VPS13C: variants seen among roughly 807,000 people sequenced by gnomAD.
VPS13C encodes intermembrane lipid transfer protein VPS13C.
In VPS13C, 358 loss-of-function variants were observed where a neutral mutation model predicts 456.8. The observed-to-expected ratio is 0.78, with a 90% confidence interval of 0.72 to 0.86. The LOEUF is 0.86. Ranked by LOEUF, VPS13C falls within the 40% of genes least tolerant of loss-of-function variation. The pLI, the probability that VPS13C is intolerant of heterozygous loss-of-function variation, is 0.00. For synonymous variants in VPS13C, 1,578 were observed against 1,486.7 expected (o/e 1.06, Z -1.41); for missense variants, 4,818 against 4,385.4 (o/e 1.10, Z -2.79).
chr15:62,006,308 T>C (rs376916065), intron 15 of VPS13C, among the ~76,000 whole-genome samples: 1 of 152,016 alleles, frequency 6.6e-6, no homozygotes, highest in South Asian at 2.1e-4. Flanking sequence ...CCTGTGTCCA[T>C]GTGTTCTCAT....
intron 66 of VPS13C, among the ~76,000 whole-genome samples, chr15:61,893,344 G>A (rs2042709173): frequency 6.6e-6 from 1 of 152,212 alleles, no homozygotes; most frequent in Non-Finnish European, 1.5e-5. Flanking sequence ...AGTGTTGAAG[G>A]GGAAGAAAAA....
At chr15:62,046,093 T>G (rs1023513863) in intron 1 of VPS13C, among the ~76,000 whole-genome samples, 20 of 152,104 alleles carry the variant, frequency 1.3e-4, no homozygotes, top group African/African-American at 4.8e-4. Context: ...TAAAATAAAT[T>G]GTCGAAAACT....
intron 67 of VPS13C, among the ~76,000 whole-genome samples, chr15:61,887,787 T>C (rs539083071): frequency 1.0e-3 from 154 of 152,184 alleles, no homozygotes; most frequent in African/African-American, 3.6e-3. Flanking sequence ...AAAGCTAACT[T>C]TCGGTATAGT....
intron 67 of VPS13C, among the ~76,000 whole-genome samples, chr15:61,884,994 A>T (rs1193723055): frequency 1.3e-5 from 2 of 152,110 alleles, no homozygotes; most frequent in Non-Finnish European, 2.9e-5. Context: ...AAGCTCCTCA[A>T]TTGCACAAAT....
chr15:61,970,202 A>G (rs2140346033), intron 27 of VPS13C, among the ~76,000 whole-genome samples: 1 of 152,284 alleles, frequency 6.6e-6, no homozygotes, highest in South Asian at 2.1e-4. Flanking sequence ...GCCAATAGCC[A>G]GTATCAATTG....
intron 62 of VPS13C, among the ~76,000 whole-genome samples, 188 bp downstream of exon 62, chr15:61,913,123 C>T (rs993463914): frequency 6.6e-6 from 1 of 151,114 alleles, no homozygotes; most frequent in African/African-American, 2.4e-5. Flanking sequence ...GTCAGTGTGG[C>T]GATTCCTCAG....
At chr15:61,855,170 T>C (rs752097362) in intron 83 of VPS13C, among the ~76,000 whole-genome samples, 4 of 152,188 alleles carry the variant, frequency 2.6e-5, no homozygotes, top group Non-Finnish European at 5.9e-5. Context: ...TGAGCATACA[T>C]CTATCTGTAT....
chr15:62,014,116 T>C (rs1245676055), intron 9 of VPS13C, 124 bp from the exon 10 acceptor site: 1 of 546,778 alleles, frequency 1.8e-6, no homozygotes, highest in African/African-American at 1.9e-5. Context: ...TAACTAGTAT[T>C]AGCTATCTAT....
chr15:62,025,749 A>C (rs1031009468), intron 6 of VPS13C, among the ~76,000 whole-genome samples: 1 of 152,096 alleles, frequency 6.6e-6, no homozygotes, highest in Non-Finnish European at 1.5e-5. Flanking sequence ...ATGATTCTCA[A>C]TCACAAACTA....
intron 22 of VPS13C, among the ~76,000 whole-genome samples, chr15:61,980,183 CAAAAAAAAAAAAAAAAA>C (rs71125960): frequency 2.0e-4 from 9 of 45,264 alleles, no homozygotes; most frequent in East Asian, 1.6e-3. Context: ...GACCCCATCT[CAAAAAAAAAAAAAAAAA>C]AAAAAAAAAA....
chr15:61,879,109 C>A (rs1184263352), intron 73 of VPS13C, among the ~76,000 whole-genome samples: 2 of 151,976 alleles, frequency 1.3e-5, no homozygotes, highest in East Asian at 1.9e-4. Context: ...CAGATAATAA[C>A]AATAACATGA....
At chr15:62,048,350 G>T (rs939721278) in intron 1 of VPS13C, among the ~76,000 whole-genome samples, 1 of 144,014 alleles carries the variant, frequency 6.9e-6, no homozygotes, top group Non-Finnish European at 1.5e-5. Context: ...GAGAACATGT[G>T]GTGTTTGGTT....
Position 61,873,392 on chromosome 15 carries a change from C to T in VPS13C, c.10432G>A (p.Val3478Ile). Residue 3478 changes from valine to isoleucine, a missense_variant, in exon 78 of 85, where the codon GTA (valine) becomes ATA (isoleucine). Coordinates refer to ENST00000644861, the MANE Select transcript of VPS13C (RefSeq NM_020821.3). ...CCAACAGAACCGGTGATTCGAGATA[C>T]AACTCCTGCTGCACCACCTATCAAA... The part of the protein sequence containing the change: ...GHTVGGAAGV[V>I]SRITGSVGKG... The T allele has an allele frequency of 6.2e-7, 1 of 1,613,524 alleles. No individual in the cohort carries two copies. The highest frequency in any genetic ancestry group is 8.5e-7 in the Non-Finnish European group (1 of 1,179,680).
In VPS13C at chr15:61,864,411, A is replaced by T. The variant is rs1476458000; in HGVS notation, c.10864-883T>A. The stretch of plus-strand genomic sequence containing the variant: ...ACGAGTTTTTTTATAATGAATGCTA[A>T]TGAAATACTATTACTGACATTATAT... On this transcript the variant is annotated intron_variant, in intron 81 of 84. Coordinates refer to ENST00000644861, the MANE Select transcript of VPS13C (RefSeq NM_020821.3). 4 of 880,546 alleles carry T rather than the reference A, an allele frequency of 4.5e-6. No homozygotes were observed. The East Asian group carries it at 3.6e-4, about 80-fold the overall frequency. The allele number at this position is 880,546 out of a possible 1,614,324, so 54.5% of individuals were successfully genotyped here.
chr15:61,963,994 T>A (rs182608589), intron 31 of VPS13C, 43 bp from the exon 32 acceptor site: 3 of 1,264,280 alleles, frequency 2.4e-6, no homozygotes, highest in Admixed American at 1.9e-5. Flanking sequence ...GAGATTCTAG[T>A]CATCTACATT....
intron 68 of VPS13C, among the ~76,000 whole-genome samples, chr15:61,883,907 A>C (rs1400493118): frequency 6.6e-6 from 1 of 151,928 alleles, no homozygotes; most frequent in Non-Finnish European, 1.5e-5. Flanking sequence ...CACAGGTTTA[A>C]ATCCTGTTTC....
At chr15:61,962,727 C>A in intron 33 of VPS13C, 22 bp downstream of exon 33, 1 of 1,500,124 alleles carries the variant, frequency 6.7e-7, no homozygotes, top group Non-Finnish European at 9.1e-7. Flanking sequence ...AGAATATTAA[C>A]TATCTGTTTA....
At chr15:61,977,364 C>T (rs749519080) in intron 23 of VPS13C, among the ~76,000 whole-genome samples, 165 bp from the exon 24 acceptor site, 5 of 151,914 alleles carry the variant, frequency 3.3e-5, no homozygotes, top group East Asian at 3.9e-4. Flanking sequence ...CTTCTTTCAG[C>T]GTATCAGTTA....
At chr15:61,918,475 ATATAT>A (rs926075883) in intron 58 of VPS13C, among the ~76,000 whole-genome samples, 1 of 152,034 alleles carries the variant, frequency 6.6e-6, no homozygotes, top group African/African-American at 2.4e-5. Context: ...CAAATGCTCC[ATATAT>A]TATAAGCTTA....
Sources: gnomAD v4.1 joint callset for allele counts (sites outside exome capture counted in the v4.1 genomes callset) on GRCh38, gnomAD v4.1.1 for gene constraint, MANE v1.5 for transcripts, NCBI Gene and HGNC (gene_info 2026-07-23, HGNC 2026-07-21) for gene names.